The following GUCY1A2 variants were observed in gnomAD, a reference collection of about 807,000 sequenced individuals.
The protein encoded by GUCY1A2 is guanylate cyclase 1 soluble subunit alpha 2.
A neutral mutation model predicts 63.5 loss-of-function variants in GUCY1A2; 27 were observed. The ratio of observed to expected loss-of-function variants is 0.43; its 90% confidence interval spans 0.31 to 0.59. The LOEUF (loss-of-function observed/expected upper bound fraction) is 0.59, where lower values mean the gene tolerates loss of function less well. Ranked by LOEUF, GUCY1A2 falls within the 20% of genes least tolerant of loss-of-function variation. The pLI is 0.11. For synonymous variants in GUCY1A2, 364 were observed against 343.5 expected (o/e 1.06, Z -0.66); for missense variants, 768 against 913.3 (o/e 0.84, Z 2.05).
intron 4 of GUCY1A2, among the ~76,000 whole-genome samples, chr11:106,907,039 C>T (rs1474974289): frequency 1.3e-5 from 2 of 152,044 alleles, no homozygotes; most frequent in South Asian, 4.1e-4. Flanking sequence ...ATCTAAGTAA[C>T]AAAACTGCAC....
At chr11:106,886,032 G>C (rs1428753920) in intron 4 of GUCY1A2, among the ~76,000 whole-genome samples, 1 of 152,136 alleles carries the variant, frequency 6.6e-6, no homozygotes, top group Non-Finnish European at 1.5e-5. Context: ...ATAACTACGT[G>C]TATCTGGCAT....
At chr11:106,835,380 C>A in intron 4 of GUCY1A2, among the ~76,000 whole-genome samples, 1 of 150,576 alleles carries the variant, frequency 6.6e-6, no homozygotes, top group Non-Finnish European at 1.5e-5. Flanking sequence ...ACATGTAGAA[C>A]AAAGAGCTAA....
At chr11:106,721,093 C>G (rs1863308325) in intron 6 of GUCY1A2, among the ~76,000 whole-genome samples, 1 of 146,930 alleles carries the variant, frequency 6.8e-6, no homozygotes, top group African/African-American at 2.6e-5. Context: ...GACAGAGTCT[C>G]TGTCACCCAG....
chr11:106,725,078 G>T (rs934167347), intron 6 of GUCY1A2, among the ~76,000 whole-genome samples: 5 of 146,788 alleles, frequency 3.4e-5, no homozygotes, highest in African/African-American at 1.2e-4. Context: ...AATTATTTAA[G>T]AAATCCTTTA....
At chr11:106,814,180 A>T (rs144805876) in intron 4 of GUCY1A2, among the ~76,000 whole-genome samples, 1 of 152,254 alleles carries the variant, frequency 6.6e-6, no homozygotes, top group African/African-American at 2.4e-5. Context: ...ACAGATATAG[A>T]TGTAGCTGCT....
chr11:106,891,681 T>C (rs1859976744), intron 4 of GUCY1A2, among the ~76,000 whole-genome samples: 1 of 152,122 alleles, frequency 6.6e-6, no homozygotes, highest in African/African-American at 2.4e-5. Context: ...TCTTCTATTC[T>C]TTATTGAATT....
At chr11:106,708,939 C>T (rs1422547925) in intron 6 of GUCY1A2, among the ~76,000 whole-genome samples, 1 of 150,886 alleles carries the variant, frequency 6.6e-6, no homozygotes, top group East Asian at 1.9e-4. Flanking sequence ...GGTTATGTTA[C>T]AGGTTAAATC....
At chr11:107,007,465 C>T (rs1861685997) in intron 1 of GUCY1A2, among the ~76,000 whole-genome samples, 1 of 152,208 alleles carries the variant, frequency 6.6e-6, no homozygotes, top group Admixed American at 6.5e-5. Flanking sequence ...TAACCCTCCA[C>T]TCCAGCGGAT....
rs1000726723 is a variant in GUCY1A2 at position 107,018,464 on chromosome 11, G to A, written c.-409C>T. The stretch of plus-strand genomic sequence containing the variant: ...CGGCCCAAGCAGAAGGGGAGGCAGA[G>A]GCAGAGGCTTCTGCCGCCTGCGCGC... On this transcript the variant is annotated 5_prime_UTR_variant, in exon 1 of 8. Transcript: ENST00000526355. 3.3e-5 allele frequency: 5 copies of A among 151,270 alleles called. No individual in the cohort carries two copies. The highest frequency in any genetic ancestry group is 3.0e-5 in the Non-Finnish European group (2 of 67,482). The allele number at this position is 151,270 out of a possible 1,614,324, so 9.4% of individuals were successfully genotyped here.
chr11:106,709,826 A>G (rs986637556), intron 6 of GUCY1A2, among the ~76,000 whole-genome samples: 3 of 132,148 alleles, frequency 2.3e-5, no homozygotes, highest in African/African-American at 8.0e-5. Flanking sequence ...GTTATATATT[A>G]TATACACGTA....
intron 5 of GUCY1A2, among the ~76,000 whole-genome samples, chr11:106,781,093 G>T (rs1864451220): frequency 8.3e-6 from 1 of 120,320 alleles, no homozygotes. Context: ...TGAAACAAGT[G>T]GACATGGTAA....
In GUCY1A2 at chr11:107,000,329, A is replaced by G. The variant is rs146087760; in HGVS notation, c.304-14198T>C. Reference sequence around the variant, plus strand: ...CTCTCTTCTCCAACTTCCACACTAGAAACTCCCTCATATCTGTCTGAAGCT... The same window carrying G: ...CTCTCTTCTCCAACTTCCACACTAGGAACTCCCTCATATCTGTCTGAAGCT... On this transcript the variant is annotated intron_variant, in intron 1 of 7. Transcript: ENST00000526355. 2.0e-5 allele frequency among the ~76,000 whole-genome samples: 3 copies of G among 152,320 alleles called. No homozygotes were observed. In the East Asian group the frequency reaches 5.8e-4, roughly 29 times the overall value.
intron 7 of GUCY1A2, among the ~76,000 whole-genome samples, chr11:106,689,742 G>A (rs1862589181): frequency 6.6e-6 from 1 of 152,110 alleles, no homozygotes; most frequent in African/African-American, 2.4e-5. Context: ...TGTAATCCCA[G>A]CACTTTGGGA....
intron 6 of GUCY1A2, among the ~76,000 whole-genome samples, chr11:106,775,163 C>T (rs2135401462): frequency 6.6e-6 from 1 of 152,136 alleles, no homozygotes; most frequent in Non-Finnish European, 1.5e-5. Flanking sequence ...TATGAAACTG[C>T]AAATTTATCA....
intron 6 of GUCY1A2, among the ~76,000 whole-genome samples, chr11:106,714,292 A>C (rs535156203): frequency 9.9e-5 from 15 of 152,260 alleles, no homozygotes; most frequent in African/African-American, 3.6e-4. Context: ...ACAACCACAT[A>C]AACAGCACTG....
intron 6 of GUCY1A2, among the ~76,000 whole-genome samples, chr11:106,757,635 T>A (rs1442043781): frequency 1.3e-5 from 2 of 152,160 alleles, no homozygotes; most frequent in Non-Finnish European, 2.9e-5. Context: ...TGGAGTTTGC[T>A]GAAGGTCCAC....
chr11:106,785,275 G>T (rs1000363452), intron 5 of GUCY1A2, among the ~76,000 whole-genome samples: 4 of 152,078 alleles, frequency 2.6e-5, no homozygotes, highest in Non-Finnish European at 5.9e-5. Flanking sequence ...ACTTCACTGA[G>T]TATACGACTT....
chr11:106,778,771 T>C (rs940620840), intron 5 of GUCY1A2, among the ~76,000 whole-genome samples: 1 of 152,176 alleles, frequency 6.6e-6, no homozygotes, highest in African/African-American at 2.4e-5. Context: ...TATTGAATAT[T>C]TGCTAAATGA....
chr11:106,715,513 T>C (rs1199682544), intron 6 of GUCY1A2, among the ~76,000 whole-genome samples: 2 of 152,194 alleles, frequency 1.3e-5, no homozygotes, highest in Non-Finnish European at 2.9e-5. Context: ...CTTAATCAGA[T>C]AAACAAAATC....
Sources: gnomAD v4.1 joint callset for allele counts (sites outside exome capture counted in the v4.1 genomes callset) on GRCh38, gnomAD v4.1.1 for gene constraint, MANE v1.5 for transcripts, NCBI Gene and HGNC (gene_info 2026-07-23, HGNC 2026-07-21) for gene names.